Variants in ZNF568 observed in about 807,000 individuals in gnomAD.
ZNF568 encodes p53 inhibitor of SCO2 activation.
A neutral mutation model predicts 18.1 loss-of-function variants in ZNF568; 11 were observed. The observed-to-expected ratio is 0.61, with a 90% CI of 0.38 to 1.00. The LOEUF is 1.00. Ranked by LOEUF, ZNF568 falls within the 50% of genes least tolerant of loss-of-function variation. ZNF568 has a pLI of 0.01. For synonymous variants in ZNF568, 213 were observed against 246.6 expected, an observed-to-expected ratio of 0.86 and a Z score of 1.28; for missense variants, 639 against 768.2, an observed-to-expected ratio of 0.83 and a Z score of 1.99.
intron 2 of ZNF568, 24 bp downstream of exon 2, chr19:36,917,672 A>G (rs1474251545): frequency 6.6e-6 from 1 of 152,238 alleles, no homozygotes; most frequent in African/African-American, 2.4e-5. Flanking sequence ...AGTGGCATTT[A>G]TCATGATTGC....
At chr19:36,947,413 G>A (rs1414024228) in intron 6 of ZNF568, among the ~76,000 whole-genome samples, 1 of 152,120 alleles carries the variant, frequency 6.6e-6, no homozygotes, top group African/African-American at 2.4e-5. Flanking sequence ...CATTCATGAG[G>A]CTAAATAACA....
chr19:36,989,302 C>T (rs2146347489), intron 2 of ZNF568, among the ~76,000 whole-genome samples: 1 of 152,266 alleles, frequency 6.6e-6, no homozygotes, highest in East Asian at 1.9e-4. Flanking sequence ...CCTGCCTTAG[C>T]CCCCCTAGTA....
chr19:36,958,430 C>A (rs2074123053), intron 6 of ZNF568, among the ~76,000 whole-genome samples: 1 of 151,576 alleles, frequency 6.6e-6, no homozygotes, highest in Non-Finnish European at 1.5e-5. Flanking sequence ...GTTATTGATT[C>A]CATTTATTTA....
intron 3 of ZNF568, among the ~76,000 whole-genome samples, chr19:36,923,914 C>T (rs1055481739): frequency 6.6e-6 from 1 of 152,064 alleles, no homozygotes; most frequent in Admixed American, 6.6e-5. Context: ...CATTTGTCTG[C>T]TCTTTAGCTT....
At chr19:36,967,554 C>T (rs1183747447) in intron 6 of ZNF568, among the ~76,000 whole-genome samples, 3 of 152,138 alleles carry the variant, frequency 2.0e-5, no homozygotes, top group Admixed American at 6.6e-5. Context: ...CAGAGCAATA[C>T]TCCTTCTCAA....
chr19:36,925,679 T>C (rs977227240), intron 4 of ZNF568, among the ~76,000 whole-genome samples: 6 of 142,444 alleles, frequency 4.2e-5, no homozygotes, highest in Non-Finnish European at 9.1e-5. Context: ...TCAAAAATAC[T>C]TGAAAAAAAA....
At chr19:36,921,847 T>G (rs1001794617) in intron 2 of ZNF568, among the ~76,000 whole-genome samples, 1 of 152,148 alleles carries the variant, frequency 6.6e-6, no homozygotes. Context: ...TGAATGAAAC[T>G]CTCTTTTATG....
intron 6 of ZNF568, among the ~76,000 whole-genome samples, chr19:36,944,822 A>G (rs930407024): frequency 6.6e-6 from 1 of 152,108 alleles, no homozygotes; most frequent in Admixed American, 6.5e-5. Flanking sequence ...AATATTACTA[A>G]TAATAAAAAG....
downstream of ZNF568, among the ~76,000 whole-genome samples, chr19:36,981,386 T>C (rs2074330108): frequency 6.6e-6 from 1 of 152,208 alleles, no homozygotes; most frequent in South Asian, 2.1e-4. Flanking sequence ...TTATAATGCA[T>C]TAAACCTTCG....
intron 2 of ZNF568, among the ~76,000 whole-genome samples, chr19:36,921,614 T>A (rs1339669385): frequency 6.6e-6 from 1 of 152,172 alleles, no homozygotes; most frequent in Non-Finnish European, 1.5e-5. Flanking sequence ...CAAAAATTAG[T>A]CTATTTTGTT....
chr19:36,979,040 A>G (rs537072670), exon 8 of ZNF568: 14 of 324,496 alleles, frequency 4.3e-5, no homozygotes, highest in South Asian at 2.6e-4. Flanking sequence ...CTGGAGTGCA[A>G]TGGCGCGATC....
At chr19:36,977,020 T>A (rs929948931) in intron 7 of ZNF568, among the ~76,000 whole-genome samples, 1 of 152,266 alleles carries the variant, frequency 6.6e-6, no homozygotes, top group Non-Finnish European at 1.5e-5. Flanking sequence ...ACATTTCATA[T>A]GTTCAGCATA....
At chr19:36,970,756 AC>A (rs2074229725) in intron 6 of ZNF568, among the ~76,000 whole-genome samples, 1 of 152,198 alleles carries the variant, frequency 6.6e-6, no homozygotes, top group Admixed American at 6.5e-5. Context: ...TTCAGCTATA[AC>A]CATCTGGGTA....
At chr19:36,919,906 A>G (rs4806376) in intron 2 of ZNF568, among the ~76,000 whole-genome samples, 22,126 of 152,202 alleles carry the variant, frequency 0.15, 1,971 homozygotes, top group African/African-American at 0.25. Context: ...ATACTTGGTA[A>G]TGATAATAAA....
chr19:36,959,888 CTCT>C (rs1244156435), intron 6 of ZNF568, among the ~76,000 whole-genome samples: 1 of 151,920 alleles, frequency 6.6e-6, no homozygotes, highest in Admixed American at 6.6e-5. Context: ...TGGGTATTCT[CTCT>C]TCTTGGTTAG....
chr19:36,983,350 G>A (rs1398648254), downstream of ZNF568, among the ~76,000 whole-genome samples: 1 of 152,158 alleles, frequency 6.6e-6, no homozygotes, highest in Non-Finnish European at 1.5e-5. Flanking sequence ...AATGGTGTGA[G>A]CAAGGCCACT....
Position 36,950,603 on chromosome 19 carries a change from A to G in ZNF568, c.1450A>G (p.Ile484Val). Residue 484 changes from isoleucine to valine, a missense_variant, in exon 7 of 7, where the codon ATT becomes GTT. Physicochemically the swap from Ile to Val is conservative, Grantham distance 29. Coordinates refer to ENST00000333987, the MANE Select transcript of ZNF568 (RefSeq NM_198539.4). ...YECSECGKAF[I>V]QMSNLIRHQR... ...ATGCAGTGAATGTGGGAAAGCTTTT[A>G]TTCAGATGTCAAACCTCATTCGACA... 1 of 1,613,860 alleles carries G rather than the reference A, an allele frequency of 6.2e-7. No individual in the cohort carries two copies. The highest frequency in any genetic ancestry group is 8.5e-7 in the Non-Finnish European group (1 of 1,179,890).
At chr19:36,989,196 T>G (rs2074402314) in intron 2 of ZNF568, among the ~76,000 whole-genome samples, 1 of 152,232 alleles carries the variant, frequency 6.6e-6, no homozygotes, top group Non-Finnish European at 1.5e-5. Flanking sequence ...ATTGATTGAT[T>G]GATTGAGACA....
intron 6 of ZNF568, among the ~76,000 whole-genome samples, chr19:36,944,314 C>A (rs1245048828): frequency 6.6e-6 from 1 of 151,486 alleles, no homozygotes; most frequent in Admixed American, 6.6e-5. Context: ...AGGAGAATTG[C>A]TTGAACCTGG....
Sources: allele counts gnomAD v4.1 joint callset (sites outside exome capture counted in the v4.1 genomes callset), GRCh38; gene constraint gnomAD v4.1.1; transcripts MANE v1.5; gene names NCBI Gene and HGNC (gene_info 2026-07-23, HGNC 2026-07-21).